Variants in ARHGEF3 observed in about 807,000 individuals in gnomAD.
ARHGEF3 encodes the protein 59.8 kDA protein.
A neutral mutation model predicts 63.2 loss-of-function variants in ARHGEF3; 28 were observed. The observed-to-expected ratio is 0.44, with a 90% confidence interval of 0.33 to 0.61. ARHGEF3 has a LOEUF of 0.61. ARHGEF3 is among the 20% of genes least tolerant of loss of function. ARHGEF3 has a pLI of 0.03. For synonymous variants in ARHGEF3, 266 were observed against 254.2 expected (o/e 1.05, Z -0.44); for missense variants, 533 against 659.3 (o/e 0.81, Z 2.10).
chr3:56,962,636 G>C (rs901777266), intron 2 of ARHGEF3, among the ~76,000 whole-genome samples: 1 of 152,190 alleles, frequency 6.6e-6, no homozygotes, highest in Non-Finnish European at 1.5e-5. Flanking sequence ...AAGATTGTTG[G>C]AGGGGTTGGA....
At chr3:56,927,903 C>A (rs1227262420) in intron 3 of ARHGEF3, among the ~76,000 whole-genome samples, 1 of 152,132 alleles carries the variant, frequency 6.6e-6, no homozygotes, top group Non-Finnish European at 1.5e-5. Context: ...TTTCTAACAA[C>A]CTGTGAATCA....
At chr3:56,809,369 C>T (rs1468652758) in intron 4 of ARHGEF3, among the ~76,000 whole-genome samples, 1 of 151,918 alleles carries the variant, frequency 6.6e-6, no homozygotes, top group Non-Finnish European at 1.5e-5. Context: ...CTTATTCTTC[C>T]CCAGGACAAC....
Position 57,044,742 on chromosome 3 carries a change from T to C in ARHGEF3, c.-27-9566A>G, listed in dbSNP as rs574250944. Among the ~76,000 whole-genome samples, 27 of 152,288 alleles carry C rather than the reference T, an allele frequency of 1.8e-4. No individual in the cohort carries two copies. In the South Asian group the frequency reaches 5.2e-3, roughly 29 times the overall value. ...AAGGTCATATCACAAGTCTCTAGTC[T>C]TCCCAGTTGAAAATCAGATCCCAGA... On this transcript the variant is annotated intron_variant, in intron 1 of 12. Transcript: ENST00000338458.
chr3:56,952,460 T>C (rs552167301), intron 3 of ARHGEF3, among the ~76,000 whole-genome samples: 75 of 152,300 alleles, frequency 4.9e-4, no homozygotes, highest in African/African-American at 1.8e-3. Context: ...ACTTACACCA[T>C]GCCCTAACTT....
At chr3:56,818,507 G>T (rs2038351449) in intron 4 of ARHGEF3, among the ~76,000 whole-genome samples, 1 of 152,166 alleles carries the variant, frequency 6.6e-6, no homozygotes, top group African/African-American at 2.4e-5. Context: ...GATGCTGATA[G>T]AACTGAATTC....
intron 3 of ARHGEF3, among the ~76,000 whole-genome samples, chr3:56,914,498 GAGGGT>G (rs1029385829): frequency 6.6e-6 from 1 of 152,222 alleles, no homozygotes; most frequent in Non-Finnish European, 1.5e-5. Context: ...TTGTAATACA[GAGGGT>G]AGTTTTCAAT....
intron 2 of ARHGEF3, among the ~76,000 whole-genome samples, chr3:56,996,195 T>C (rs1701981739): frequency 1.3e-5 from 2 of 152,184 alleles, no homozygotes; most frequent in South Asian, 4.2e-4. Context: ...ATTTCCACTG[T>C]GGAACCCAGG....
At chr3:57,051,340 A>G (rs1704660114) in intron 1 of ARHGEF3, among the ~76,000 whole-genome samples, 2 of 151,934 alleles carry the variant, frequency 1.3e-5, no homozygotes, top group Admixed American at 1.3e-4. Context: ...ATACAAAATT[A>G]GCCAGGTGTG....
chr3:56,768,528 C>T (rs924420958), intron 2 of ARHGEF3, among the ~76,000 whole-genome samples: 2 of 151,748 alleles, frequency 1.3e-5, no homozygotes, highest in East Asian at 1.9e-4. Flanking sequence ...ATAATATATA[C>T]TCAGCCCATA....
In ARHGEF3 at chr3:56,729,243, C is replaced by T. The variant is rs373129760; in HGVS notation, c.*27G>A. 70 of 1,584,150 alleles carry T rather than the reference C, an allele frequency of 4.4e-5. No individual in the cohort carries two copies. In the African/African-American group the frequency reaches 9.1e-4, roughly 21 times the overall value. ...AATACTGTACAGGTAAGATGCAGGC[C>T]TGCTTCCCGAAGTGCACATGCTTCT... On this transcript the variant is annotated 3_prime_UTR_variant, in exon 10 of 10. Transcript: ENST00000296315.
At chr3:56,799,467 T>C (rs2037535055) in intron 1 of ARHGEF3, among the ~76,000 whole-genome samples, 1 of 152,188 alleles carries the variant, frequency 6.6e-6, no homozygotes, top group Non-Finnish European at 1.5e-5. Flanking sequence ...TTCTTTTTAT[T>C]ATAACCACAT....
intron 4 of ARHGEF3, among the ~76,000 whole-genome samples, chr3:56,830,923 C>T (rs1246532320): frequency 1.3e-5 from 2 of 152,174 alleles, no homozygotes; most frequent in Non-Finnish European, 2.9e-5. Flanking sequence ...CTTCTGATCT[C>T]ATCTCCCCTG....
intron 1 of ARHGEF3, among the ~76,000 whole-genome samples, chr3:57,040,878 C>G (rs1041449966): frequency 7.4e-6 from 1 of 134,734 alleles, no homozygotes; most frequent in Non-Finnish European, 1.6e-5. Context: ...ACTGACAGTG[C>G]CCTGCTGCTG....
chr3:57,008,324 ACT>A (rs1702547134), intron 2 of ARHGEF3, among the ~76,000 whole-genome samples: 1 of 151,984 alleles, frequency 6.6e-6, no homozygotes, highest in Non-Finnish European at 1.5e-5. Flanking sequence ...TCCTGTGGTC[ACT>A]CTGCTAGCTC....
chr3:56,948,202 C>T (rs542304452), intron 3 of ARHGEF3, among the ~76,000 whole-genome samples: 5 of 152,256 alleles, frequency 3.3e-5, no homozygotes, highest in South Asian at 2.1e-4. Flanking sequence ...GACACCCTAA[C>T]ATCACAATTA....
chr3:57,016,480 G>A (rs140635211), intron 2 of ARHGEF3, among the ~76,000 whole-genome samples: 1,716 of 152,076 alleles, frequency 0.011, 48 homozygotes, highest in African/African-American at 0.039. Context: ...CCCGGGAGGC[G>A]GAGGATCCAG....
chr3:56,783,085 C>G (rs777400691), intron 1 of ARHGEF3, among the ~76,000 whole-genome samples: 3 of 152,064 alleles, frequency 2.0e-5, no homozygotes, highest in Non-Finnish European at 4.4e-5. Flanking sequence ...ATAAGGAGGA[C>G]AGTTGGCAGT....
At chr3:56,846,522 A>T (rs2039497025) in intron 4 of ARHGEF3, among the ~76,000 whole-genome samples, 1 of 152,170 alleles carries the variant, frequency 6.6e-6, no homozygotes, top group Admixed American at 6.5e-5. Flanking sequence ...TGTCACATGG[A>T]TATATTGCAT....
chr3:56,982,653 G>A (rs995118312), intron 2 of ARHGEF3, among the ~76,000 whole-genome samples: 2 of 152,122 alleles, frequency 1.3e-5, no homozygotes, highest in Non-Finnish European at 2.9e-5. Flanking sequence ...CCCAGATCAG[G>A]TCTCTGAACC....
Sources: allele counts gnomAD v4.1 joint callset (sites outside exome capture counted in the v4.1 genomes callset), GRCh38; gene constraint gnomAD v4.1.1; transcripts MANE v1.5; gene names NCBI Gene and HGNC (gene_info 2026-07-23, HGNC 2026-07-21).